RS1: variants seen among roughly 807,000 people sequenced by gnomAD.
RS1 encodes the protein retinoschisin 1, also known as retinoschisin.
In RS1, 2 loss-of-function variants were observed where a neutral mutation model predicts 20.8. That is an observed-to-expected ratio of 0.10 (90% CI 0.04 to 0.30). The LOEUF (loss-of-function observed/expected upper bound fraction) is 0.30, where lower values mean the gene tolerates loss of function less well. Ranked by LOEUF, RS1 falls within the 10% of genes least tolerant of loss-of-function variation. The probability of loss-of-function intolerance (pLI) is 1.00; values close to 1 mark genes in which losing one functional copy is unlikely to be tolerated. For missense variants in RS1, 151 were observed against 189.8 expected, an observed-to-expected ratio of 0.80 and a Z score of 1.20; for synonymous variants, 70 against 75.8, an observed-to-expected ratio of 0.92 and a Z score of 0.40.
At chrX:18,646,753 C>T (rs1281655608) in intron 4 of RS1, among the ~76,000 whole-genome samples, 1 of 111,238 alleles carries the variant, frequency 9.0e-6, no homozygotes, top group Non-Finnish European at 1.9e-5. Flanking sequence ...ACCTGCTGTA[C>T]CCCACGCCTC....
At chrX:18,651,264 T>TGTGTGTGTGTGTGTGTGA (rs1491242962) in intron 3 of RS1, among the ~76,000 whole-genome samples, 1 of 69,008 alleles carries the variant, frequency 1.4e-5, no homozygotes, top group African/African-American at 6.3e-5. Context: ...TGTGTGTGTG[T>TGTGTGTGTGTGTGTGTGA]GAGAGAGAGA....
chrX:18,652,313 C>G (rs903634853), intron 3 of RS1, among the ~76,000 whole-genome samples: 1 of 111,882 alleles, frequency 8.9e-6, no homozygotes, highest in Non-Finnish European at 1.9e-5. Flanking sequence ...CTGGCCTAAT[C>G]AAAAGAAACC....
chrX:18,657,646 A>G lies in RS1; in HGVS notation c.72T>C (p.Ser24=). The G allele has an allele frequency of 8.3e-7, 1 of 1,202,885 alleles. No homozygotes were observed. The highest frequency in any genetic ancestry group is 1.1e-6 in the Non-Finnish European group (1 of 887,178). The change falls in exon 2 of 6, where the codon TCT becomes TCC. Residue 24 remains serine, a synonymous_variant. Transcript: ENST00000379984. ...FGYEATLGLS[S]TEDEGEDPWY... ...CCTTCTTACTGTTACATACCTCGGTAGACGATAATCCCAATGTGGCTAAAG... is the reference window on the plus strand; with the variant it reads ...CCTTCTTACTGTTACATACCTCGGTGGACGATAATCCCAATGTGGCTAAAG...
At chrX:18,667,468 C>G (rs62588999) in intron 1 of RS1, among the ~76,000 whole-genome samples, 20,475 of 107,072 alleles carry the variant, frequency 0.19, 1,887 homozygotes, top group East Asian at 0.57. Context: ...TCGATTGAAC[C>G]CAGGCGGGCG....
At chrX:18,652,517 A>T (rs1602317464) in intron 3 of RS1, among the ~76,000 whole-genome samples, 1 of 111,364 alleles carries the variant, frequency 9.0e-6, no homozygotes, top group African/African-American at 3.3e-5. Flanking sequence ...AAAAATACAA[A>T]AATTAGCCGA....
At chrX:18,642,895 T>C (rs1251707319) in intron 5 of RS1, among the ~76,000 whole-genome samples, 1 of 109,381 alleles carries the variant, frequency 9.1e-6, no homozygotes, top group Non-Finnish European at 1.9e-5. Context: ...TACAAAAAAA[T>C]TAGCCAGGCG....
chrX:18,648,822 G>C (rs1023594493), intron 3 of RS1, among the ~76,000 whole-genome samples: 1 of 110,984 alleles, frequency 9.0e-6, no homozygotes, highest in Admixed American at 9.6e-5. Flanking sequence ...GAGTGCAGTG[G>C]CTCATGCCTG....
chrX:18,641,927 C>A lies in RS1; in HGVS notation c.*77G>T. On this transcript the variant is annotated 3_prime_UTR_variant, in exon 6 of 6. Coordinates refer to ENST00000379984, the MANE Select transcript of RS1 (RefSeq NM_000330.4). ...TTGCGAAATATAGCCCTGTCCATCT[C>A]GGTGGTGTGTGAGGGGGTCCCCTAC... is the stretch of plus-strand genomic sequence containing the variant. 1 of 1,072,644 alleles carries A rather than the reference C, an allele frequency of 9.3e-7. No individual in the cohort carries two copies. Among genetic ancestry groups the A allele is most frequent in the South Asian group, 1.9e-5 (1 of 53,909 alleles). The allele number at this position is 1,072,644 out of a possible 1,213,427, so 88.4% of individuals were successfully genotyped here. A position where few individuals can be genotyped will look rare whatever the true frequency, so the allele number is the denominator to read the frequency against.
At chrX:18,661,064 C>T (rs1378869173) in intron 1 of RS1, among the ~76,000 whole-genome samples, 1 of 112,043 alleles carries the variant, frequency 8.9e-6, no homozygotes, top group East Asian at 2.8e-4. Context: ...TAGGGAGCGC[C>T]ATCTTTGTAG....
chrX:18,653,480 G>A lies in RS1; in HGVS notation c.184+3173C>T, dbSNP rs1018524335. ...GTTATGAGGGAAGCCCTGATTCACAGGGCCCAGGTAAACCAAGCTGCGCTC... is the reference window on the plus strand; with the variant it reads ...GTTATGAGGGAAGCCCTGATTCACAAGGCCCAGGTAAACCAAGCTGCGCTC... On this transcript the variant is annotated intron_variant, in intron 3 of 5. Transcript: ENST00000379984. The A allele has an allele frequency of 8.3e-7, 1 of 1,209,819 alleles. No homozygotes were observed. Among genetic ancestry groups the A allele is most frequent in the African/African-American group, 1.8e-5 (1 of 57,122 alleles).
chrX:18,663,854 C>T lies in RS1; in HGVS notation c.53-6189G>A, dbSNP rs1352579340. Among the ~76,000 whole-genome samples the T allele has an allele frequency of 1.8e-5, 2 of 111,879 alleles. 1 individual carries two copies. Among genetic ancestry groups the T allele is most frequent in the Non-Finnish European group, 3.8e-5 (2 of 53,237 alleles). The stretch of plus-strand genomic sequence containing the variant: ...CAGATATCCAGTAAGCACTGAATGG[C>T]CTACAGGATATCTTCCCGTAGATGT... On this transcript the variant is annotated intron_variant, in intron 1 of 5. Coordinates refer to ENST00000379984, the MANE Select transcript of RS1 (RefSeq NM_000330.4).
chrX:18,650,658 G>C (rs1040778236), intron 3 of RS1: 1 of 1,124,734 alleles, frequency 8.9e-7, no homozygotes, highest in Non-Finnish European at 1.2e-6. Context: ...CCGAGGAGCT[G>C]TAGAAATGCA....
intron 4 of RS1, chrX:18,645,968 G>A: frequency 8.3e-7 from 1 of 1,210,340 alleles, no homozygotes; most frequent in Non-Finnish European, 1.1e-6. Context: ...GGCAAGTCAT[G>A]CGCACTCTGC....
At chrX:18,664,686 T>A (rs1001274458) in intron 1 of RS1, among the ~76,000 whole-genome samples, 13 of 110,862 alleles carry the variant, frequency 1.2e-4, no homozygotes, top group African/African-American at 3.9e-4. Flanking sequence ...TCTCTAGTTC[T>A]TTATTATTAT....
intron 3 of RS1, chrX:18,650,682 C>T (rs1278156387): frequency 7.7e-5 from 78 of 1,007,895 alleles, no homozygotes; most frequent in Non-Finnish European, 9.7e-5. Context: ...GTTCAGGCCA[C>T]ACCCCCAGGG....
chrX:18,655,950 G>T (rs1325610945), intron 3 of RS1, among the ~76,000 whole-genome samples: 1 of 105,859 alleles, frequency 9.4e-6, no homozygotes, highest in Non-Finnish European at 1.9e-5. Context: ...ATTCCAGGCT[G>T]CCTAGCATTA....
intron 3 of RS1, among the ~76,000 whole-genome samples, chrX:18,652,436 AG>A (rs1928087001): frequency 8.9e-6 from 1 of 112,250 alleles, no homozygotes; most frequent in Non-Finnish European, 1.9e-5. Flanking sequence ...TGGGAGGCCG[AG>A]GCGGGAGGAT....
In RS1 at chrX:18,642,122, A is replaced by G. The variant is rs1329035346; in HGVS notation, c.557T>C (p.Val186Ala). The G allele has an allele frequency of 8.3e-7, 1 of 1,211,934 alleles. No homozygotes were observed. The highest frequency in any genetic ancestry group is 1.1e-6 in the Non-Finnish European group (1 of 895,445). ...FYGNSDRTST[V>A]QNLLRPPIIS... Reference sequence around the variant, plus strand: ...GATGGGGGGCCGCAGCAGGTTCTGAACCGTGGAGGTGCGGTCCGAGTTGCC... The same window carrying G: ...GATGGGGGGCCGCAGCAGGTTCTGAGCCGTGGAGGTGCGGTCCGAGTTGCC... The change falls in exon 6 of 6, where the codon GTT (valine) becomes GCT (alanine). Residue 186 changes from valine (V) to alanine (A), a missense_variant. Transcript: ENST00000379984.
At chrX:18,665,013 T>A (rs761077402) in intron 1 of RS1, among the ~76,000 whole-genome samples, 7 of 112,303 alleles carry the variant, frequency 6.2e-5, no homozygotes, top group Admixed American at 1.9e-4. Context: ...CCCCTGCACC[T>A]GGCCTCTTTT....
Sources: gnomAD v4.1 joint callset for allele counts (sites outside exome capture counted in the v4.1 genomes callset) on GRCh38, gnomAD v4.1.1 for gene constraint, MANE v1.5 for transcripts, NCBI Gene and HGNC (gene_info 2026-07-23, HGNC 2026-07-21) for gene names.